The following DENND4A variants were observed in gnomAD, a reference collection of about 807,000 sequenced individuals.
DENND4A encodes the protein DENN domain containing 4A.
A neutral mutation model predicts 199.3 loss-of-function variants in DENND4A; 70 were observed. The observed-to-expected ratio is 0.35, with a 90% CI of 0.29 to 0.43. The LOEUF is 0.43. Among genes scored for constraint, DENND4A ranks in the 20% least tolerant of loss-of-function variants. DENND4A has a pLI of 1.00. For missense variants in DENND4A, 1,723 were observed against 2,255.8 expected (o/e 0.76, Z 4.78); for synonymous variants, 686 against 766.9 (o/e 0.89, Z 1.74).
At chr15:65,724,374 T>G (rs2140333458) in intron 11 of DENND4A, among the ~76,000 whole-genome samples, 1 of 125,600 alleles carries the variant, frequency 8.0e-6, no homozygotes, top group Non-Finnish European at 1.6e-5. Context: ...CTACTTTTTT[T>G]TGAATCGTTT....
intron 12 of DENND4A, 147 bp from the exon 13 acceptor site, chr15:65,718,143 G>T: frequency 3.3e-6 from 2 of 611,436 alleles, no homozygotes; most frequent in Non-Finnish European, 5.5e-6. Context: ...CCTTAGCAAA[G>T]CTTGCCATAG....
intron 9 of DENND4A, among the ~76,000 whole-genome samples, chr15:65,730,544 T>TA (rs1477479851): frequency 1.3e-5 from 2 of 152,046 alleles, no homozygotes; most frequent in Non-Finnish European, 2.9e-5. Flanking sequence ...TATTTGGCAA[T>TA]AAAAAGAAGT....
At position 65,738,739 on chromosome 15, in the gene DENND4A, A is replaced by G; in HGVS notation, c.768T>C (p.Ser256=). The change falls in exon 6 of 33, where the codon TCT becomes TCC. Residue 256 remains serine (S), a synonymous_variant. Coordinates refer to ENST00000443035, the MANE Select transcript of DENND4A (RefSeq NM_001320835.1). The stretch of plus-strand genomic sequence containing the variant: ...CTGAGGCTCCAGTTAAAACAAAAGT[A>G]GAAAATACAGGCAGAGGGTATTTGC... ...SNSKYPLPVF[S]TFVLTGASAE... 1 of 1,612,130 alleles carries G rather than the reference A, an allele frequency of 6.2e-7. No homozygotes were observed. The highest frequency in any genetic ancestry group is 1.7e-5 in the Admixed American group (1 of 59,734).
At chr15:65,730,305 A>T (rs2075922160) in intron 9 of DENND4A, among the ~76,000 whole-genome samples, 1 of 152,166 alleles carries the variant, frequency 6.6e-6, no homozygotes, top group South Asian at 2.1e-4. Flanking sequence ...GTAAATAAAT[A>T]GTTCAGTAAG....
At chr15:65,706,618 C>T (rs771670128) in intron 14 of DENND4A, among the ~76,000 whole-genome samples, 4 of 152,100 alleles carry the variant, frequency 2.6e-5, no homozygotes, top group African/African-American at 4.8e-5. Context: ...GCCTCAGCCT[C>T]CCAAGTAGCT....
At chr15:65,774,868 C>CTT (rs397854207) in intron 1 of DENND4A, among the ~76,000 whole-genome samples, 110 of 112,032 alleles carry the variant, frequency 9.8e-4, no homozygotes, top group African/African-American at 1.4e-3. Context: ...CAAATGTTTA[C>CTT]TTTTTTTTTT....
At chr15:65,682,280 T>A (rs2076605335) in intron 23 of DENND4A, among the ~76,000 whole-genome samples, 2 of 152,338 alleles carry the variant, frequency 1.3e-5, no homozygotes, top group South Asian at 4.1e-4. Flanking sequence ...ATAGCCACCT[T>A]CATCAGTGAC....
chr15:65,722,809 C>T (rs745975832), intron 12 of DENND4A, 39 bp downstream of exon 12: 1 of 1,441,536 alleles, frequency 6.9e-7, no homozygotes, highest in Non-Finnish European at 9.3e-7. Flanking sequence ...GTCCCTTTTT[C>T]AGATTAAATT....
chr15:65,702,521 AT>A lies in DENND4A; in HGVS notation c.2224-11del. ...GGGCTGATTTAATTTCCTGGAAAAA[AT>A]ATAAAGATCTTACTAATAAATTTAT... On this transcript the variant is annotated splice_polypyrimidine_tract_variant and intron_variant, in intron 16 of 32. Transcript: ENST00000443035. 1 of 1,559,596 alleles carries A rather than the reference AT, an allele frequency of 6.4e-7. No homozygotes were observed. The highest frequency in any genetic ancestry group is 8.7e-7 in the Non-Finnish European group (1 of 1,150,604).
At chr15:65,693,151 C>G (rs1257195907) in intron 22 of DENND4A, among the ~76,000 whole-genome samples, 1 of 152,294 alleles carries the variant, frequency 6.6e-6, no homozygotes, top group South Asian at 2.1e-4. Context: ...GCCTCTAACA[C>G]AAAGACTGCA....
At chr15:65,779,868 T>A (rs1253072909) in intron 1 of DENND4A, among the ~76,000 whole-genome samples, 1 of 152,170 alleles carries the variant, frequency 6.6e-6, no homozygotes, top group East Asian at 1.9e-4. Context: ...CAGGCTGGGA[T>A]TACAGGCGTG....
chr15:65,761,290 G>A (rs1351461042), intron 2 of DENND4A, 70 bp downstream of exon 2: 1 of 152,078 alleles, frequency 6.6e-6, no homozygotes, highest in Non-Finnish European at 1.5e-5. Flanking sequence ...GGAAAACTAA[G>A]GTTTCACTGT....
intron 1 of DENND4A, among the ~76,000 whole-genome samples, chr15:65,763,942 C>G (rs1596642641): frequency 6.6e-6 from 1 of 152,192 alleles, no homozygotes; most frequent in East Asian, 1.9e-4. Flanking sequence ...TAAATACTGA[C>G]TTGCTGAAAC....
chr15:65,740,367 T>C (rs1194293288), intron 5 of DENND4A, among the ~76,000 whole-genome samples: 1 of 151,180 alleles, frequency 6.6e-6, no homozygotes, highest in Non-Finnish European at 1.5e-5. Context: ...CTCAGCACTT[T>C]GGGAGGCTGA....
intron 15 of DENND4A, among the ~76,000 whole-genome samples, chr15:65,705,669 C>T (rs941196699): frequency 4.6e-5 from 7 of 151,876 alleles, no homozygotes; most frequent in South Asian, 2.1e-4. Context: ...ATCAAGGCCA[C>T]GAAGATTGGC....
chr15:65,689,874 C>G (rs981921897), intron 23 of DENND4A, among the ~76,000 whole-genome samples: 1 of 152,136 alleles, frequency 6.6e-6, no homozygotes, highest in African/African-American at 2.4e-5. Flanking sequence ...GAGCAAATCC[C>G]CTCAGGGAGA....
intron 1 of DENND4A, among the ~76,000 whole-genome samples, chr15:65,779,577 AC>A (rs2077382138): frequency 6.6e-6 from 1 of 152,142 alleles, no homozygotes; most frequent in African/African-American, 2.4e-5. Context: ...GCTGCCTCAA[AC>A]TCCTGGGCTC....
At chr15:65,789,646 T>C (rs2077662261) in intron 1 of DENND4A, among the ~76,000 whole-genome samples, 1 of 152,350 alleles carries the variant, frequency 6.6e-6, no homozygotes, top group South Asian at 2.1e-4. Context: ...TCAATTTTCC[T>C]GCTAGAGCAA....
Position 65,667,672 on chromosome 15 carries a change from C to T in DENND4A, c.5018G>A (p.Ser1673Asn), listed in dbSNP as rs375622618. Residue 1673 changes from serine to asparagine, a missense_variant, in exon 29 of 33, where the codon AGT becomes AAT. Ser to Asn is a conservative substitution (Grantham distance 46). Transcript: ENST00000443035. ...ATACGGAACAGTGACAGGATCGGGA[C>T]TTGGAAGGTGCCATTCTAAACCTAA... Reference protein sequence around the residue: ...DSLGLEWHLPSPDPVTVPYLS... With the variant: ...DSLGLEWHLPNPDPVTVPYLS... 20 of 1,613,690 alleles carry T rather than the reference C, an allele frequency of 1.2e-5. No individual in the cohort carries two copies. The African/African-American group carries it at 2.1e-4, about 17-fold the overall frequency.
Sources: allele counts gnomAD v4.1 joint callset (sites outside exome capture counted in the v4.1 genomes callset), GRCh38; gene constraint gnomAD v4.1.1; transcripts MANE v1.5; gene names NCBI Gene and HGNC (gene_info 2026-07-23, HGNC 2026-07-21).